Variants in SLC24A3 observed in about 807,000 individuals in gnomAD.
SLC24A3 encodes the protein solute carrier family 24 member 3.
SLC24A3 carries 28 observed loss-of-function variants against 75.8 expected under a neutral mutation model. The observed-to-expected ratio is 0.37, with a 90% CI of 0.27 to 0.51. The LOEUF is 0.51. Ranked by LOEUF, SLC24A3 falls within the 20% of genes least tolerant of loss-of-function variation. The pLI is 0.94. For missense variants in SLC24A3, 663 were observed against 847.8 expected, an observed-to-expected ratio of 0.78 and a Z score of 2.71; for synonymous variants, 372 against 334.1, an observed-to-expected ratio of 1.11 and a Z score of -1.24.
chr20:19,578,450 A>C (rs2031172684), intron 3 of SLC24A3, among the ~76,000 whole-genome samples: 1 of 151,978 alleles, frequency 6.6e-6, no homozygotes, highest in Non-Finnish European at 1.5e-5. Flanking sequence ...TGCCTCTAGC[A>C]GCTCCAGATG....
intron 2 of SLC24A3, among the ~76,000 whole-genome samples, chr20:19,353,916 C>T (rs149541422): frequency 1.8e-4 from 28 of 152,254 alleles, no homozygotes; most frequent in African/African-American, 4.8e-4. Flanking sequence ...TTTGGAGTTT[C>T]TTATAAGACA....
intron 2 of SLC24A3, among the ~76,000 whole-genome samples, chr20:19,293,605 G>A (rs1291594965): frequency 6.8e-6 from 1 of 146,870 alleles, no homozygotes; most frequent in Non-Finnish European, 1.5e-5. Context: ...GCAGTGAGCC[G>A]AGATGGCACC....
intron 8 of SLC24A3, 152 bp from the exon 9 acceptor site, chr20:19,673,449 A>C (rs1243202668): frequency 1.6e-6 from 1 of 643,642 alleles, no homozygotes; most frequent in Non-Finnish European, 2.8e-6. Context: ...AGCATAGAGA[A>C]TGTCTCTAGA....
At chr20:19,589,360 A>G (rs1334506460) in intron 6 of SLC24A3, among the ~76,000 whole-genome samples, 8 of 152,248 alleles carry the variant, frequency 5.3e-5, no homozygotes, top group Non-Finnish European at 1.2e-4. Context: ...ACCAGCTTCC[A>G]TCATTCATTG....
intron 1 of SLC24A3, among the ~76,000 whole-genome samples, chr20:19,228,576 C>T (rs1327032093): frequency 4.6e-5 from 7 of 151,494 alleles, no homozygotes; most frequent in Admixed American, 2.6e-4. Flanking sequence ...ACCCAGGAGG[C>T]GGAGCTTGCA....
chr20:19,550,807 T>C (rs959591385), intron 3 of SLC24A3, among the ~76,000 whole-genome samples: 2 of 152,146 alleles, frequency 1.3e-5, no homozygotes, highest in South Asian at 4.1e-4. Context: ...CAGGCAGTAA[T>C]GAAGAGCATG....
intron 1 of SLC24A3, among the ~76,000 whole-genome samples, chr20:19,251,814 C>T (rs73277097): frequency 0.011 from 1,711 of 152,202 alleles, 34 homozygotes; most frequent in African/African-American, 0.04. Context: ...GAGCAGTCAT[C>T]AGGACACTGC....
At chr20:19,624,926 C>T (rs556531137) in intron 6 of SLC24A3, among the ~76,000 whole-genome samples, 18 of 152,196 alleles carry the variant, frequency 1.2e-4, no homozygotes, top group African/African-American at 3.4e-4. Context: ...CATAATTTTT[C>T]GGGTCAGCAA....
At chr20:19,556,973 C>T (rs2030797694) in intron 3 of SLC24A3, among the ~76,000 whole-genome samples, 1 of 152,160 alleles carries the variant, frequency 6.6e-6, no homozygotes, top group Non-Finnish European at 1.5e-5. Context: ...GCTCCCTGGG[C>T]CTCTGCTATG....
In SLC24A3 at chr20:19,721,119, G is replaced by A; in HGVS notation, c.1914G>A (p.Leu638=). ...TCAACGTGTTCACCTTTGTGAACCT[G>A]CCCATGTGCGGGGACCACTGAGCCG... ...TEFNVFTFVN[L]PMCGDH is the part of the protein sequence containing the mutation. The change falls in exon 17 of 17, where the codon CTG becomes CTA. Residue 638 remains leucine (L), a synonymous_variant. Transcript: ENST00000328041. The A allele has an allele frequency of 6.2e-7, 1 of 1,614,120 alleles. No homozygotes were observed. Among genetic ancestry groups the A allele is most frequent in the Non-Finnish European group, 8.5e-7 (1 of 1,180,030 alleles).
At chr20:19,265,129 C>T (rs950731324) in intron 1 of SLC24A3, among the ~76,000 whole-genome samples, 11 of 152,198 alleles carry the variant, frequency 7.2e-5, no homozygotes, top group Admixed American at 2.6e-4. Context: ...ACTACAATGA[C>T]ATCTGAGGCT....
intron 3 of SLC24A3, among the ~76,000 whole-genome samples, chr20:19,516,543 G>A (rs997816716): frequency 2.6e-5 from 4 of 152,316 alleles, no homozygotes; most frequent in East Asian, 1.9e-4. Flanking sequence ...CAGATGGACC[G>A]ACTCCGATGG....
intron 6 of SLC24A3, among the ~76,000 whole-genome samples, chr20:19,632,141 C>G (rs2031941718): frequency 6.6e-6 from 1 of 152,186 alleles, no homozygotes; most frequent in Non-Finnish European, 1.5e-5. Flanking sequence ...GGAACCCCTC[C>G]TTTAGAACAC....
intron 13 of SLC24A3, chr20:19,696,537 G>A (rs988830872): frequency 4.4e-5 from 17 of 383,700 alleles, no homozygotes; most frequent in African/African-American, 1.8e-4. Flanking sequence ...CAAACCACCC[G>A]CCTCACCGGA....
intron 3 of SLC24A3, among the ~76,000 whole-genome samples, chr20:19,579,698 G>C (rs2031191621): frequency 6.6e-6 from 1 of 152,192 alleles, no homozygotes; most frequent in Admixed American, 6.5e-5. Flanking sequence ...TGAGCCAGTG[G>C]GATATCTTGG....
intron 12 of SLC24A3, among the ~76,000 whole-genome samples, chr20:19,688,640 T>C (rs1243013472): frequency 6.6e-6 from 1 of 152,222 alleles, no homozygotes; most frequent in Non-Finnish European, 1.5e-5. Flanking sequence ...TCCGTCCACA[T>C]GATGAGGACA....
chr20:19,345,565 T>C (rs140016002), intron 2 of SLC24A3, among the ~76,000 whole-genome samples: 46 of 152,156 alleles, frequency 3.0e-4, no homozygotes, highest in African/African-American at 8.7e-4. Flanking sequence ...ATCCAGAATC[T>C]ACAAAGAACT....
intron 2 of SLC24A3, among the ~76,000 whole-genome samples, chr20:19,514,172 G>A (rs189698521): frequency 5.1e-4 from 78 of 152,252 alleles, no homozygotes; most frequent in African/African-American, 1.8e-3. Context: ...AAATCCTCCG[G>A]GCAAGCCAGG....
chr20:19,569,963 T>C (rs538496920), intron 3 of SLC24A3, among the ~76,000 whole-genome samples: 63 of 152,218 alleles, frequency 4.1e-4, no homozygotes, highest in Non-Finnish European at 7.1e-4. Context: ...GCTTCTGCTT[T>C]CTGCCCAGAC....
Sources: gnomAD v4.1 joint callset for allele counts (sites outside exome capture counted in the v4.1 genomes callset) on GRCh38, gnomAD v4.1.1 for gene constraint, MANE v1.5 for transcripts, NCBI Gene and HGNC (gene_info 2026-07-23, HGNC 2026-07-21) for gene names.